INTS9: variants seen among roughly 807,000 people sequenced by gnomAD.
INTS9 encodes the protein protein related to CPSF subunits of 74 kDa.
Under a neutral mutation model 79.7 loss-of-function variants are expected in INTS9, and 55 were observed. That is an observed-to-expected ratio of 0.69 (90% CI 0.56 to 0.86). INTS9 has a LOEUF of 0.86. Among genes scored for constraint, INTS9 ranks in the 40% least tolerant of loss-of-function variants. INTS9 has a pLI of 0.00. For synonymous variants in INTS9, 319 were observed against 325.2 expected (o/e 0.98, Z 0.20); for missense variants, 721 against 831.5 (o/e 0.87, Z 1.64).
At chr8:28,800,426 T>C (rs115484423) in intron 8 of INTS9, among the ~76,000 whole-genome samples, 67 of 152,018 alleles carry the variant, frequency 4.4e-4, no homozygotes, top group East Asian at 2.5e-3. Context: ...GAGAGTGCAA[T>C]TGGTAAAGGG....
At chr8:28,787,422 A>T (rs1478225128) in intron 11 of INTS9, among the ~76,000 whole-genome samples, 2 of 152,224 alleles carry the variant, frequency 1.3e-5, no homozygotes, top group Non-Finnish European at 2.9e-5. Flanking sequence ...TATGAATTGC[A>T]TGAACATGGT....
chr8:28,833,619 C>G (rs1213697702), intron 6 of INTS9, among the ~76,000 whole-genome samples: 1 of 108,104 alleles, frequency 9.3e-6, no homozygotes, highest in Non-Finnish European at 1.9e-5. Flanking sequence ...GACTCTGTCT[C>G]AAAAACAAAA....
chr8:28,838,229 G>A (rs1293087043), intron 4 of INTS9, among the ~76,000 whole-genome samples: 2 of 151,992 alleles, frequency 1.3e-5, no homozygotes, highest in African/African-American at 4.8e-5. Context: ...GCCAGATGGA[G>A]AGACAACTTG....
intron 6 of INTS9, among the ~76,000 whole-genome samples, chr8:28,818,271 T>A (rs1307405391): frequency 3.4e-5 from 5 of 145,236 alleles, no homozygotes; most frequent in African/African-American, 1.3e-4. Context: ...CCATTCAGTA[T>A]GATATTGGCT....
At chr8:28,801,513 A>ACC (rs1804525565) in intron 8 of INTS9, among the ~76,000 whole-genome samples, 2 of 150,752 alleles carry the variant, frequency 1.3e-5, no homozygotes, top group African/African-American at 4.9e-5. Flanking sequence ...AAACAAAAAA[A>ACC]CAAAAAAAAC....
At chr8:28,801,150 CA>C (rs976180174) in intron 8 of INTS9, among the ~76,000 whole-genome samples, 1 of 152,012 alleles carries the variant, frequency 6.6e-6, no homozygotes, top group Admixed American at 6.6e-5. Context: ...GAAATCATTA[CA>C]AAAAAACAAA....
At chr8:28,804,319 C>G (rs189327518) in intron 8 of INTS9, among the ~76,000 whole-genome samples, 1 of 152,254 alleles carries the variant, frequency 6.6e-6, no homozygotes, top group African/African-American at 2.4e-5. Context: ...GGATAAATTC[C>G]TGGGGAAACT....
chr8:28,863,484 T>C (rs1326763462), intron 1 of INTS9, among the ~76,000 whole-genome samples: 1 of 152,116 alleles, frequency 6.6e-6, no homozygotes, highest in Non-Finnish European at 1.5e-5. Flanking sequence ...TATATAAATT[T>C]TAAAATGCAG....
chr8:28,832,643 C>T (rs1806561602), intron 6 of INTS9, among the ~76,000 whole-genome samples: 1 of 152,150 alleles, frequency 6.6e-6, no homozygotes. Flanking sequence ...CTTAATCTCT[C>T]TGTGTCAGTT....
chr8:28,869,106 AT>A (rs1197550494), intron 1 of INTS9, among the ~76,000 whole-genome samples: 2 of 152,150 alleles, frequency 1.3e-5, no homozygotes, highest in Non-Finnish European at 2.9e-5. Flanking sequence ...AAAAAAAAAA[AT>A]TGACTTTCTG....
chr8:28,773,741 T>C (rs898048785), intron 14 of INTS9, among the ~76,000 whole-genome samples: 5 of 151,944 alleles, frequency 3.3e-5, no homozygotes, highest in Non-Finnish European at 5.9e-5. Context: ...AGGCTGGTCT[T>C]GAACTCGTGA....
rs866319538 is a variant in INTS9 at position 28,818,475 on chromosome 8, A to G, written c.489-4863T>C. ...ACATTTCTTGATTTGCGTATATTGA[A>G]CCAGCCTTGCATCCCAGGGATGAAG... On this transcript the variant is annotated intron_variant, in intron 6 of 16. Coordinates refer to ENST00000521022, the MANE Select transcript of INTS9 (RefSeq NM_018250.4). Among the ~76,000 whole-genome samples the G allele has an allele frequency of 4.4e-3, 673 of 152,242 alleles. 3 individuals carry two copies. Among genetic ancestry groups the G allele is most frequent in the Non-Finnish European group, 7.4e-3 (504 of 68,010 alleles).
At chr8:28,769,287 T>C (rs1802389803) in intron 16 of INTS9, among the ~76,000 whole-genome samples, 1 of 152,276 alleles carries the variant, frequency 6.6e-6, no homozygotes, top group African/African-American at 2.4e-5. Flanking sequence ...TGAACAGTAT[T>C]ACCTTTAGCC....
chr8:28,875,102 A>G (rs1476354676), intron 1 of INTS9, among the ~76,000 whole-genome samples: 1 of 152,152 alleles, frequency 6.6e-6, no homozygotes, highest in East Asian at 1.9e-4. Flanking sequence ...ACCCGCCCCC[A>G]TGATTCAACC....
At chr8:28,864,064 C>T (rs1464853621) in intron 1 of INTS9, among the ~76,000 whole-genome samples, 1 of 152,048 alleles carries the variant, frequency 6.6e-6, no homozygotes, top group Non-Finnish European at 1.5e-5. Context: ...TTATTATGGG[C>T]AGGCATGGCG....
chr8:28,884,056 T>C (rs868118371), intron 1 of INTS9, among the ~76,000 whole-genome samples: 4 of 151,840 alleles, frequency 2.6e-5, no homozygotes, highest in Non-Finnish European at 4.4e-5. Context: ...GCAAGAGTAA[T>C]GCTGTAATAC....
chr8:28,818,839 T>C (rs1341928058), intron 6 of INTS9, among the ~76,000 whole-genome samples: 3 of 151,826 alleles, frequency 2.0e-5, no homozygotes, highest in Admixed American at 6.6e-5. Flanking sequence ...AGCCTGTTAT[T>C]GGTCTATTCA....
intron 1 of INTS9, among the ~76,000 whole-genome samples, chr8:28,874,011 G>C (rs1809233154): frequency 6.6e-6 from 1 of 152,192 alleles, no homozygotes; most frequent in Non-Finnish European, 1.5e-5. Flanking sequence ...TGCTTCCGAG[G>C]TCTTCTGCAA....
chr8:28,859,166 A>C (rs1808323742), intron 2 of INTS9, among the ~76,000 whole-genome samples: 1 of 152,228 alleles, frequency 6.6e-6, no homozygotes, highest in Non-Finnish European at 1.5e-5. Flanking sequence ...TTAGCAAGAA[A>C]GATGAAATAT....
Sources: allele counts gnomAD v4.1 joint callset (sites outside exome capture counted in the v4.1 genomes callset), GRCh38; gene constraint gnomAD v4.1.1; transcripts MANE v1.5; gene names NCBI Gene and HGNC (gene_info 2026-07-23, HGNC 2026-07-21).